The following ZFP69 variants were observed in gnomAD, a reference collection of about 807,000 sequenced individuals.
ZFP69 encodes ZFP69 zinc finger protein, also known as zinc finger protein 69 homolog.
ZFP69 carries 35 observed loss-of-function variants against 48.9 expected under a neutral mutation model. The ratio of observed to expected loss-of-function variants is 0.72; its 90% confidence interval spans 0.55 to 0.95. ZFP69 has a LOEUF of 0.95. Among genes scored for constraint, ZFP69 ranks in the 40% least tolerant of loss-of-function variants. ZFP69 has a pLI of 0.00. For synonymous variants in ZFP69, 193 were observed against 216.8 expected, an observed-to-expected ratio of 0.89 and a Z score of 0.96; for missense variants, 557 against 638.4, an observed-to-expected ratio of 0.87 and a Z score of 1.37.
chr1:40,479,309 A>C lies in ZFP69; in HGVS notation c.-53A>C. The C allele has an allele frequency of 6.2e-7, 1 of 1,609,132 alleles. No individual in the cohort carries two copies. Among genetic ancestry groups the C allele is most frequent in the Non-Finnish European group, 8.5e-7 (1 of 1,177,656 alleles). ...CACAACTGTGAAGCGTCTCATCAAG[A>C]GCTTCTGGCAATTTCCTCACCAGAA... On this transcript the variant is annotated 5_prime_UTR_variant, in exon 2 of 6. Transcript: ENST00000372706.
At chr1:40,490,587 T>C (rs1004013417) in intron 5 of ZFP69, among the ~76,000 whole-genome samples, 2 of 152,172 alleles carry the variant, frequency 1.3e-5, no homozygotes, top group African/African-American at 4.8e-5. Context: ...GGGCTGCCAA[T>C]CTAAAGCTTT....
At chr1:40,481,102 C>T (rs76400133) in intron 2 of ZFP69, among the ~76,000 whole-genome samples, 3,017 of 152,230 alleles carry the variant, frequency 0.02, 94 homozygotes, top group African/African-American at 0.069. Context: ...CCACTGCGCC[C>T]GGCCTGGTTG....
At chr1:40,485,068 T>A (rs1202734306) in intron 3 of ZFP69, among the ~76,000 whole-genome samples, 2 of 151,576 alleles carry the variant, frequency 1.3e-5, no homozygotes, top group African/African-American at 4.8e-5. Context: ...AATTTTTGTA[T>A]TTTTAGTAGA....
intron 3 of ZFP69, among the ~76,000 whole-genome samples, chr1:40,484,458 G>C (rs1345481485): frequency 1.3e-5 from 2 of 152,120 alleles, no homozygotes; most frequent in East Asian, 3.9e-4. Flanking sequence ...CTCAGCCTCC[G>C]AAAGTGCTGG....
intron 3 of ZFP69, among the ~76,000 whole-genome samples, chr1:40,487,561 CAG>C (rs1645514344): frequency 1.3e-5 from 2 of 152,058 alleles, no homozygotes; most frequent in African/African-American, 4.8e-5. Context: ...TGTAAAGATG[CAG>C]TATTAAATCA....
intron 3 of ZFP69, among the ~76,000 whole-genome samples, chr1:40,485,613 T>A (rs1045546385): frequency 3.3e-5 from 5 of 152,204 alleles, no homozygotes; most frequent in Non-Finnish European, 7.3e-5. Context: ...CTATCTTGCA[T>A]CATTTCCCTT....
chr1:40,489,121 T>C lies in ZFP69; in HGVS notation c.253T>C (p.Phe85Leu). The C allele has an allele frequency of 1.2e-6, 2 of 1,613,958 alleles. No homozygotes were observed. Among genetic ancestry groups the C allele is most frequent in the South Asian group, 2.2e-5 (2 of 91,084 alleles). Residue 85 changes from phenylalanine (F) to leucine (L), a missense_variant, in exon 4 of 6, where the codon TTC becomes CTC. Coordinates refer to ENST00000372706, the MANE Select transcript of ZFP69 (RefSeq NM_001320179.2). Reference protein sequence around the residue: ...LLTFKDISIDFTQEEWGQLAP... With the variant: ...LLTFKDISIDLTQEEWGQLAP... ...GACTTTCAAGGACATATCTATTGAC[T>C]TCACCCAGGAAGAGTGGGGGCAGCT...
In ZFP69 at chr1:40,479,155, T is replaced by C. The variant is rs189205008; in HGVS notation, c.-207T>C. On this transcript the variant is annotated 5_prime_UTR_variant, in exon 2 of 6. Transcript: ENST00000372706. ...ACTGGCTGCCTCCCAAAGAAAGTGCTTGATTTAAAGGGGAGTTTGTTTTCC... is the reference window on the plus strand; with the variant it reads ...ACTGGCTGCCTCCCAAAGAAAGTGCCTGATTTAAAGGGGAGTTTGTTTTCC... 1.7e-4 allele frequency: 93 copies of C among 552,268 alleles called. No individual in the cohort carries two copies. The highest frequency in any genetic ancestry group is 1.6e-3 in the African/African-American group (83 of 51,978). 34.2% of individuals were successfully genotyped at this position (552,268 alleles called of 1,614,324 possible).
At position 40,477,370 on chromosome 1, in the gene ZFP69, C is replaced by A. The variant is rs1214925066; in HGVS notation, c.-851C>A. 2 of 152,124 alleles carry A rather than the reference C, an allele frequency of 1.3e-5. No homozygotes were observed. Among genetic ancestry groups the A allele is most frequent in the African/African-American group, 4.8e-5 (2 of 41,430 alleles). The allele number at this position is 152,124 out of a possible 1,614,324, so 9.4% of individuals were successfully genotyped here. On this transcript the variant is annotated 5_prime_UTR_variant, in exon 1 of 6. Coordinates refer to ENST00000372706, the MANE Select transcript of ZFP69 (RefSeq NM_001320179.2). The surrounding 1 kb of genome is among the most constrained non-coding windows in gnomAD (Gnocchi z 4.0). ...GGCCCCGGGACCGCCAGGGCTGCAGCGAGAGCGGCCGGCGGTGCAAGCGGC... is the reference window on the plus strand; with the variant it reads ...GGCCCCGGGACCGCCAGGGCTGCAGAGAGAGCGGCCGGCGGTGCAAGCGGC...
intron 5 of ZFP69, among the ~76,000 whole-genome samples, chr1:40,494,255 A>ATTTTTTTTTTTTTTTTTTTTTTTT (rs1645598717): frequency 8.1e-6 from 1 of 123,856 alleles, no homozygotes; most frequent in Non-Finnish European, 1.6e-5. Flanking sequence ...AAAGATTCAA[A>ATTTTTTTTTTTTTTTTTTTTTTTT]ATTTTTTTTT....
At chr1:40,494,458 C>T (rs1034172559) in intron 5 of ZFP69, among the ~76,000 whole-genome samples, 446 of 145,282 alleles carry the variant, frequency 3.1e-3, no homozygotes, top group Non-Finnish European at 5.1e-3. Flanking sequence ...TTAGTAGAGA[C>T]GGGGTTTCAC....
In ZFP69 at chr1:40,495,350, G is replaced by T. The variant is rs748769511; in HGVS notation, c.872G>T (p.Arg291Ile). 1.2e-5 allele frequency: 20 copies of T among 1,614,014 alleles called. No homozygotes were observed. Among genetic ancestry groups the T allele is most frequent in the Non-Finnish European group, 1.6e-5 (19 of 1,180,028 alleles). ...CCTATTCACCTTACTGAACATATGA[G>T]AATTCATACTGGTGAGAAACCTTTC... ...KQPIHLTEHM[R>I]IHTGEKPFRC... is the part of the protein sequence containing the mutation. Residue 291 changes from arginine (R) to isoleucine (I), a missense_variant, in exon 6 of 6, where the codon AGA becomes ATA. Arg to Ile is a moderately conservative substitution (Grantham distance 97, BLOSUM62 -3). Transcript: ENST00000372706.
At chr1:40,492,105 C>A (rs1043980909) in intron 5 of ZFP69, among the ~76,000 whole-genome samples, 2 of 152,126 alleles carry the variant, frequency 1.3e-5, no homozygotes, top group Non-Finnish European at 2.9e-5. Context: ...TCAAGTGATT[C>A]TTCTGCCTCA....
rs41301076 is a variant in ZFP69 at position 40,494,947 on chromosome 1, G to A, written c.469G>A (p.Glu157Lys). Reference sequence around the variant, plus strand: ...CTTGAAGAGTAAAATAGAAACCATTGAGTCAACTGCAAAGAGTACCATTTC... The same window carrying A: ...CTTGAAGAGTAAAATAGAAACCATTAAGTCAACTGCAAAGAGTACCATTTC... ...SDLKSKIETI[E>K]STAKSTISQE... Residue 157 changes from glutamate to lysine, a missense_variant, in exon 6 of 6, where the codon GAG becomes AAG. Glu to Lys is a moderately conservative substitution (Grantham distance 56, BLOSUM62 1). Coordinates refer to ENST00000372706, the MANE Select transcript of ZFP69 (RefSeq NM_001320179.2). The A allele has an allele frequency of 0.038, 60,877 of 1,610,660 alleles. 1,563 individuals carry two copies. Among genetic ancestry groups the A allele is most frequent in the African/African-American group, 0.11 (7,893 of 74,550 alleles).
At position 40,495,559 on chromosome 1, in the gene ZFP69, CAGAA is replaced by C; in HGVS notation, c.1084_1087del (p.Lys362LeufsTer12). ...GAAACCCTATGTATGTGATAAATGTCAGAAAGCTTTCAGCCAGAACATTAGCTTG... is the reference window on the plus strand; with the variant it reads ...GAAACCCTATGTATGTGATAAATGTCAGCTTTCAGCCAGAACATTAGCTTG... On this transcript the variant is annotated frameshift_variant, in exon 6 of 6. Transcript: ENST00000372706. LOFTEE classifies it high-confidence loss of function. 6.2e-7 allele frequency: 1 copy of C among 1,614,152 alleles called. No homozygotes were observed. Among genetic ancestry groups the C allele is most frequent in the Non-Finnish European group, 8.5e-7 (1 of 1,180,024 alleles).
At chr1:40,486,661 G>A (rs554714973) in intron 3 of ZFP69, among the ~76,000 whole-genome samples, 5 of 151,910 alleles carry the variant, frequency 3.3e-5, no homozygotes, top group Admixed American at 1.3e-4. Flanking sequence ...AGCTCAAGCA[G>A]TCCTCCTGCC....
chr1:40,489,218 A>G lies in ZFP69; in HGVS notation c.346+4A>G. 1 of 1,613,516 alleles carries G rather than the reference A, an allele frequency of 6.2e-7. No homozygotes were observed. The highest frequency in any genetic ancestry group is 1.1e-5 in the South Asian group (1 of 91,038). On this transcript the variant is annotated splice_donor_region_variant and intron_variant, in intron 4 of 5. Coordinates refer to ENST00000372706, the MANE Select transcript of ZFP69 (RefSeq NM_001320179.2). The stretch of plus-strand genomic sequence containing the variant: ...TACAGCAACTTGGTGTCAGTGGGTA[A>G]GACTTGGCTATCCATGCATCCAGAA...
chr1:40,487,163 T>G (rs1645509114), intron 3 of ZFP69, among the ~76,000 whole-genome samples: 1 of 152,060 alleles, frequency 6.6e-6, no homozygotes, highest in Admixed American at 6.6e-5. Context: ...GACCTCATGA[T>G]CCGCCCGCAT....
chr1:40,489,866 CTTTTTTTTTT>C (rs374820239), intron 5 of ZFP69, among the ~76,000 whole-genome samples: 13 of 115,428 alleles, frequency 1.1e-4, no homozygotes, highest in African/African-American at 3.1e-4. Context: ...TTTTCTTTTT[CTTTTTTTTTT>C]TTTTTTTTTT....
Sources: gnomAD v4.1 joint callset for allele counts (sites outside exome capture counted in the v4.1 genomes callset) on GRCh38, gnomAD v4.1.1 for gene constraint, Gnocchi (gnomAD v3.1) non-coding constraint, MANE v1.5 for transcripts, NCBI Gene and HGNC (gene_info 2026-07-23, HGNC 2026-07-21) for gene names.